Variants in CTTNBP2 observed in about 807,000 individuals in gnomAD.
CTTNBP2 encodes the protein cortactin-binding protein 2.
A neutral mutation model predicts 156.9 loss-of-function variants in CTTNBP2; 108 were observed. The observed-to-expected ratio is 0.69, with a 90% CI of 0.59 to 0.81. The LOEUF is 0.81. Ranked by LOEUF, CTTNBP2 falls within the 30% of genes least tolerant of loss-of-function variation. CTTNBP2 has a pLI of 0.00. For synonymous variants in CTTNBP2, 767 were observed against 751.8 expected (o/e 1.02, Z -0.33); for missense variants, 1,924 against 2,035.4 (o/e 0.95, Z 1.05).
intron 3 of CTTNBP2, among the ~76,000 whole-genome samples, chr7:117,796,056 T>A: frequency 6.6e-6 from 1 of 152,146 alleles, no homozygotes; most frequent in East Asian, 1.9e-4. Context: ...TCAAAAACAT[T>A]CAAACTCACT....
chr7:117,858,198 G>A (rs943206562), intron 2 of CTTNBP2, among the ~76,000 whole-genome samples: 2 of 152,114 alleles, frequency 1.3e-5, no homozygotes, highest in South Asian at 4.1e-4. Context: ...GTGAAACCCT[G>A]TCTCTACTAA....
At chr7:117,870,532 T>C (rs1311937182) in intron 1 of CTTNBP2, among the ~76,000 whole-genome samples, 1 of 152,268 alleles carries the variant, frequency 6.6e-6, no homozygotes, top group African/African-American at 2.4e-5. Flanking sequence ...ACAAATTTTA[T>C]ACCTACTTCT....
chr7:117,777,636 C>G lies in CTTNBP2; in HGVS notation c.2653G>C (p.Asp885His). 6.2e-7 allele frequency: 1 copy of G among 1,614,058 alleles called. No individual in the cohort carries two copies. Among genetic ancestry groups the G allele is most frequent in the South Asian group, 1.1e-5 (1 of 91,070 alleles). Reference protein sequence around the residue: ...NEEESESSVFDLDGGEESPEG... With the variant: ...NEEESESSVFHLDGGEESPEG... ...GGACTCTCTTCTCCTCCATCCAAGT[C>G]AAAGACACTTGACTCGGACTCCTCC... Residue 885 changes from aspartate (D) to histidine (H), a missense_variant, in exon 8 of 23, where the codon GAC becomes CAC. Coordinates refer to ENST00000160373, the MANE Select transcript of CTTNBP2 (RefSeq NM_033427.3).
chr7:117,800,866 C>G (rs1231814939), intron 3 of CTTNBP2, among the ~76,000 whole-genome samples: 1 of 152,112 alleles, frequency 6.6e-6, no homozygotes, highest in Non-Finnish European at 1.5e-5. Context: ...TAAGTACCAT[C>G]TCCCATTAAA....
intron 12 of CTTNBP2, among the ~76,000 whole-genome samples, chr7:117,751,189 T>C (rs1467819432): frequency 2.6e-5 from 4 of 152,240 alleles, no homozygotes; most frequent in East Asian, 3.8e-4. Context: ...GAATGGGGTT[T>C]ACCAGAGGAG....
intron 8 of CTTNBP2, among the ~76,000 whole-genome samples, chr7:117,776,309 CATAATCTCAAATCTTCTTG>C (rs1798095936): frequency 2.0e-5 from 3 of 152,176 alleles, no homozygotes; most frequent in Admixed American, 2.0e-4. Flanking sequence ...CCAATTTCTT[CATAATCTCAAATCTTCTTG>C]ATGTTGTTGC....
chr7:117,828,200 G>T (rs1435224304), intron 2 of CTTNBP2, among the ~76,000 whole-genome samples: 2 of 152,170 alleles, frequency 1.3e-5, no homozygotes, highest in African/African-American at 4.8e-5. Context: ...CCCAGTCCTT[G>T]AGAGAAGGTA....
intron 2 of CTTNBP2, among the ~76,000 whole-genome samples, chr7:117,816,668 G>A (rs1800594920): frequency 6.6e-6 from 1 of 152,146 alleles, no homozygotes; most frequent in South Asian, 2.1e-4. Context: ...CAAACAAAAT[G>A]TGTATTCCTT....
chr7:117,859,561 C>T (rs1425681296), intron 2 of CTTNBP2, among the ~76,000 whole-genome samples: 1 of 152,138 alleles, frequency 6.6e-6, no homozygotes, highest in Non-Finnish European at 1.5e-5. Flanking sequence ...CCACAAGAGG[C>T]TATACTACTG....
intron 20 of CTTNBP2, among the ~76,000 whole-genome samples, chr7:117,720,664 G>T (rs1023515508): frequency 7.9e-5 from 12 of 152,132 alleles, no homozygotes; most frequent in African/African-American, 2.7e-4. Flanking sequence ...CTGCACTCCA[G>T]CCTGGGCAAG....
chr7:117,728,291 C>A, intron 16 of CTTNBP2, 24 bp from the exon 17 acceptor site: 1 of 1,569,318 alleles, frequency 6.4e-7, no homozygotes, highest in South Asian at 1.2e-5. Context: ...GAGGTGGAAC[C>A]CAGGGGCTTG....
At chr7:117,829,319 G>T (rs970607198) in intron 2 of CTTNBP2, among the ~76,000 whole-genome samples, 1 of 152,182 alleles carries the variant, frequency 6.6e-6, no homozygotes, top group Non-Finnish European at 1.5e-5. Context: ...GAGAACAAAG[G>T]ATGGCAAAAA....
intron 16 of CTTNBP2, among the ~76,000 whole-genome samples, chr7:117,732,045 T>A (rs747517282): frequency 6.6e-6 from 1 of 152,160 alleles, no homozygotes; most frequent in Non-Finnish European, 1.5e-5. Flanking sequence ...TCTGGGTAAG[T>A]GACGAGATGC....
At chr7:117,847,708 G>A (rs528822179) in intron 2 of CTTNBP2, among the ~76,000 whole-genome samples, 1 of 151,194 alleles carries the variant, frequency 6.6e-6, no homozygotes, top group South Asian at 2.1e-4. Flanking sequence ...TTCTGACAGT[G>A]TCATAAGCCA....
intron 12 of CTTNBP2, among the ~76,000 whole-genome samples, chr7:117,755,857 T>C (rs1012749760): frequency 4.6e-5 from 7 of 152,222 alleles, no homozygotes; most frequent in African/African-American, 1.4e-4. Flanking sequence ...TTCTGTTGAA[T>C]GGGATGTGGG....
intron 2 of CTTNBP2, among the ~76,000 whole-genome samples, chr7:117,855,405 G>A (rs376118776): frequency 4.6e-5 from 7 of 152,228 alleles, no homozygotes; most frequent in South Asian, 2.1e-4. Flanking sequence ...GAGCTGCCAC[G>A]CCTGGCCAAT....
chr7:117,782,037 G>A (rs1798464324), intron 6 of CTTNBP2, among the ~76,000 whole-genome samples: 1 of 152,016 alleles, frequency 6.6e-6, no homozygotes, highest in African/African-American at 2.4e-5. Flanking sequence ...AATTCATTTT[G>A]AATTTTAAAA....
chr7:117,836,906 C>G (rs934639905), intron 2 of CTTNBP2, among the ~76,000 whole-genome samples: 29 of 152,256 alleles, frequency 1.9e-4, no homozygotes, highest in East Asian at 1.4e-3. Context: ...TCAGTTATCT[C>G]CCACGGGGTC....
intron 2 of CTTNBP2, among the ~76,000 whole-genome samples, chr7:117,817,985 A>G (rs1800721981): frequency 6.6e-6 from 1 of 152,236 alleles, no homozygotes; most frequent in Non-Finnish European, 1.5e-5. Context: ...AATTATGACT[A>G]GAGTATTTTG....
Sources: allele counts gnomAD v4.1 joint callset (sites outside exome capture counted in the v4.1 genomes callset), GRCh38; gene constraint gnomAD v4.1.1; transcripts MANE v1.5; gene names NCBI Gene and HGNC (gene_info 2026-07-23, HGNC 2026-07-21).